Variants in ASIC2 observed in about 807,000 individuals in gnomAD.
The protein encoded by ASIC2 is acid-sensing ion channel 2.
Under a neutral mutation model 57.3 loss-of-function variants are expected in ASIC2, and 25 were observed. The ratio of observed to expected loss-of-function variants is 0.44; its 90% confidence interval spans 0.32 to 0.61. ASIC2 has a LOEUF of 0.61. Ranked by LOEUF, ASIC2 falls within the 20% of genes least tolerant of loss-of-function variation. ASIC2 has a pLI of 0.06. For missense variants in ASIC2, 641 were observed against 738.1 expected, an observed-to-expected ratio of 0.87 and a Z score of 1.52; for synonymous variants, 319 against 307.5, an observed-to-expected ratio of 1.04 and a Z score of -0.39.
intron 1 of ASIC2, among the ~76,000 whole-genome samples, chr17:33,661,570 G>A (rs979797978): frequency 6.6e-6 from 1 of 152,200 alleles, no homozygotes; most frequent in African/African-American, 2.4e-5. Flanking sequence ...CTAGCCAAGT[G>A]TCCTTCCTTC....
At chr17:33,857,614 C>T (rs1473587697) in intron 1 of ASIC2, among the ~76,000 whole-genome samples, 1 of 152,182 alleles carries the variant, frequency 6.6e-6, no homozygotes, top group Non-Finnish European at 1.5e-5. Flanking sequence ...TCTTATTTTG[C>T]AGATGCAAAC....
In ASIC2 at chr17:33,437,683, C is replaced by T. The variant is rs1243147516; in HGVS notation, c.556-325616G>A. Among the ~76,000 whole-genome samples, 6 of 152,132 alleles carry T rather than the reference C, an allele frequency of 3.9e-5. No individual in the cohort carries two copies. The East Asian group carries it at 1.2e-3, about 29-fold the overall frequency. On this transcript the variant is annotated intron_variant, in intron 1 of 9. Transcript: ENST00000359872. ...TGGTGGCACACACCTGTAGTCCCAG[C>T]TACTTGGGAGGCTGAGGCACAAGAA... is the stretch of plus-strand genomic sequence containing the variant.
chr17:33,205,922 GT>G, intron 1 of ASIC2, among the ~76,000 whole-genome samples: 1 of 152,328 alleles, frequency 6.6e-6, no homozygotes, highest in East Asian at 1.9e-4. Context: ...TGAGACCACG[GT>G]TTGGATCTGG....
At chr17:33,144,985 G>A (rs1904496542) in intron 1 of ASIC2, among the ~76,000 whole-genome samples, 3 of 152,280 alleles carry the variant, frequency 2.0e-5, no homozygotes, top group South Asian at 4.2e-4. Flanking sequence ...GCTAGTACAA[G>A]GCCTGGTGCA....
intron 1 of ASIC2, among the ~76,000 whole-genome samples, chr17:34,144,262 T>C (rs1413569806): frequency 2.0e-5 from 3 of 152,226 alleles, no homozygotes; most frequent in Non-Finnish European, 4.4e-5. Flanking sequence ...ATGTTAGCCA[T>C]TATTAACAGG....
At chr17:33,594,483 T>C (rs1450950603) in intron 1 of ASIC2, among the ~76,000 whole-genome samples, 1 of 152,232 alleles carries the variant, frequency 6.6e-6, no homozygotes, top group Non-Finnish European at 1.5e-5. Context: ...AAAGCACATT[T>C]ATGCTCACTA....
chr17:33,532,161 C>G (rs972166846), intron 1 of ASIC2, among the ~76,000 whole-genome samples: 1 of 152,204 alleles, frequency 6.6e-6, no homozygotes, highest in Non-Finnish European at 1.5e-5. Flanking sequence ...GTCCACTAAG[C>G]TGGCACCTCC....
chr17:33,895,475 C>T (rs1915074001), intron 1 of ASIC2, among the ~76,000 whole-genome samples: 1 of 152,130 alleles, frequency 6.6e-6, no homozygotes, highest in African/African-American at 2.4e-5. Flanking sequence ...TGTTTAGCAC[C>T]TTGCCTGGCT....
chr17:33,190,161 C>A (rs1597622514), intron 1 of ASIC2, among the ~76,000 whole-genome samples: 1 of 152,030 alleles, frequency 6.6e-6, no homozygotes, highest in East Asian at 1.9e-4. Context: ...TTAAAAGTTA[C>A]CAAAACTAAT....
intron 1 of ASIC2, among the ~76,000 whole-genome samples, chr17:33,949,117 G>A (rs1364616903): frequency 2.0e-5 from 3 of 151,896 alleles, no homozygotes; most frequent in Non-Finnish European, 4.4e-5. Context: ...ATTTAAAAAT[G>A]TAAAGACCAG....
intron 3 of ASIC2, among the ~76,000 whole-genome samples, chr17:33,078,329 C>T (rs1356196299): frequency 6.6e-6 from 1 of 152,194 alleles, no homozygotes; most frequent in African/African-American, 2.4e-5. Flanking sequence ...GCTGGGGCTG[C>T]CATGTCAGCA....
chr17:33,477,379 T>C (rs1913263938), intron 1 of ASIC2, among the ~76,000 whole-genome samples: 1 of 152,208 alleles, frequency 6.6e-6, no homozygotes, highest in African/African-American at 2.4e-5. Context: ...GAAATAGCCC[T>C]GAATCAGTGA....
chr17:33,381,849 TC>T (rs1413366120), intron 1 of ASIC2, among the ~76,000 whole-genome samples: 1 of 152,210 alleles, frequency 6.6e-6, no homozygotes, highest in Non-Finnish European at 1.5e-5. Context: ...AATCTTGGAT[TC>T]CTTTGCAGAA....
chr17:33,525,651 TTA>T (rs1327313160), intron 1 of ASIC2, among the ~76,000 whole-genome samples: 26 of 152,200 alleles, frequency 1.7e-4, no homozygotes, highest in Middle Eastern at 3.2e-3. Context: ...TACCTCTGCA[TTA>T]CCTAGACGGA....
chr17:34,153,332 T>C (rs1042944654), intron 1 of ASIC2, among the ~76,000 whole-genome samples: 9 of 152,168 alleles, frequency 5.9e-5, no homozygotes, highest in African/African-American at 9.7e-5. Context: ...CAATCCTAGA[T>C]AGAGCCTCAA....
chr17:33,569,079 TG>T (rs2141990009), intron 1 of ASIC2: 1 of 152,378 alleles, frequency 6.6e-6, no homozygotes, highest in African/African-American at 2.4e-5. Flanking sequence ...GAGAATAAGA[TG>T]GTGGAGATGG....
At chr17:34,114,962 C>G (rs1911384563) in intron 1 of ASIC2, among the ~76,000 whole-genome samples, 1 of 152,168 alleles carries the variant, frequency 6.6e-6, no homozygotes, top group African/African-American at 2.4e-5. Context: ...TGATTATTGT[C>G]TTGTAGAATC....
chr17:33,428,165 C>G (rs1310740851), intron 1 of ASIC2, among the ~76,000 whole-genome samples: 1 of 152,178 alleles, frequency 6.6e-6, no homozygotes, highest in African/African-American at 2.4e-5. Context: ...GATGGTGAGA[C>G]AACACATACG....
chr17:34,156,640 A>T lies in ASIC2; in HGVS notation c.-108T>A, dbSNP rs1904735495. ...CCTTGACGTTCAGGGGAGAGAACGC[A>T]AGGCAAGCATCGCGCCAGATGCTGT... On this transcript the variant is annotated 5_prime_UTR_variant, in exon 1 of 10. Coordinates refer to the ASIC2 transcript ENST00000359872. The surrounding 1 kb of genome is among the most constrained non-coding windows in gnomAD (Gnocchi z 4.4). 1 of 1,212,684 alleles carries T rather than the reference A, an allele frequency of 8.2e-7. No individual in the cohort carries two copies. Among genetic ancestry groups the T allele is most frequent in the Admixed American group, 2.8e-5 (1 of 35,906 alleles). The allele number at this position is 1,212,684 out of a possible 1,614,324, so 75.1% of individuals were successfully genotyped here. A position where few individuals can be genotyped will look rare whatever the true frequency, so the allele number is the denominator to read the frequency against.
Sources: allele counts gnomAD v4.1 joint callset (sites outside exome capture counted in the v4.1 genomes callset), GRCh38; gene constraint gnomAD v4.1.1; non-coding constraint Gnocchi (gnomAD v3.1); transcripts MANE v1.5; gene names NCBI Gene and HGNC (gene_info 2026-07-23, HGNC 2026-07-21).